SNX18: variants seen among roughly 807,000 people sequenced by gnomAD.
SNX18 encodes the protein sorting nexin-18.
A neutral mutation model predicts 48.7 loss-of-function variants in SNX18; 35 were observed. That is an observed-to-expected ratio of 0.72 (90% CI 0.55 to 0.95). The LOEUF is 0.95. Among genes scored for constraint, SNX18 ranks in the 40% least tolerant of loss-of-function variants. SNX18 has a pLI of 0.00. For missense variants in SNX18, 824 were observed against 871.0 expected, an observed-to-expected ratio of 0.95 and a Z score of 0.68; for synonymous variants, 492 against 384.7, an observed-to-expected ratio of 1.28 and a Z score of -3.26.
chr5:54,619,979 ATTTG>A, the SNX18 span, among the ~76,000 whole-genome samples: 12 of 152,166 alleles, frequency 7.9e-5, no homozygotes, highest in East Asian at 1.9e-4. Flanking sequence ...AATTACAGCT[ATTTG>A]TTTGGGAACA....
chr5:54,530,162 T>C (rs1409786295), intron 1 of SNX18, among the ~76,000 whole-genome samples: 1 of 152,148 alleles, frequency 6.6e-6, no homozygotes, highest in African/African-American at 2.4e-5. Context: ...CTCTGTGCCT[T>C]CTCTTAAGGA....
intron 1 of SNX18, among the ~76,000 whole-genome samples, chr5:54,533,524 G>GTA (rs1314367635): frequency 6.6e-6 from 1 of 152,212 alleles, no homozygotes; most frequent in Non-Finnish European, 1.5e-5. Flanking sequence ...CATGGGTAGG[G>GTA]TATCCCCCCT....
the SNX18 span, among the ~76,000 whole-genome samples, chr5:54,617,096 G>C: frequency 6.6e-6 from 1 of 152,148 alleles, no homozygotes; most frequent in East Asian, 1.9e-4. Flanking sequence ...AAACAACTTC[G>C]TCAAAGGCCC....
chr5:54,533,748 T>C (rs757643528), intron 1 of SNX18, among the ~76,000 whole-genome samples: 2 of 152,336 alleles, frequency 1.3e-5, no homozygotes, highest in African/African-American at 2.4e-5. Flanking sequence ...TCTGTGATGA[T>C]CAAGTGGCTG....
the SNX18 span, among the ~76,000 whole-genome samples, chr5:54,571,127 G>GT: frequency 4.3e-4 from 64 of 149,232 alleles, no homozygotes; most frequent in Admixed American, 1.7e-3. Context: ...GGCCTCCTGT[G>GT]TTTTTTTTTT....
chr5:54,573,523 T>TC, the SNX18 span, among the ~76,000 whole-genome samples: 1 of 152,142 alleles, frequency 6.6e-6, no homozygotes, highest in Non-Finnish European at 1.5e-5. Context: ...GCTTTGAGTA[T>TC]CCCCTGATGC....
chr5:54,534,800 T>C (rs1762322082), intron 1 of SNX18, among the ~76,000 whole-genome samples: 1 of 152,178 alleles, frequency 6.6e-6, no homozygotes, highest in Admixed American at 6.5e-5. Context: ...CAAGTACATC[T>C]GCTAGTGTGC....
At chr5:54,532,933 G>A (rs530273877) in intron 1 of SNX18, among the ~76,000 whole-genome samples, 1 of 152,162 alleles carries the variant, frequency 6.6e-6, no homozygotes, top group African/African-American at 2.4e-5. Flanking sequence ...TATTCAAACT[G>A]AATGTCATTC....
At chr5:54,561,504 A>T in the SNX18 span, among the ~76,000 whole-genome samples, 12 of 133,020 alleles carry the variant, frequency 9.0e-5, no homozygotes, top group African/African-American at 3.1e-4. Flanking sequence ...CGCCCAGCTA[A>T]TTTTTTTTTT....
the SNX18 span, among the ~76,000 whole-genome samples, chr5:54,583,153 T>A: frequency 7.6e-3 from 1,157 of 152,314 alleles, 12 homozygotes; most frequent in East Asian, 0.05. Context: ...GTATGTTTGT[T>A]TGTTTAAGAT....
rs780211987 is a variant in SNX18 at position 54,518,464 on chromosome 5, T to C, written c.512T>C (p.Leu171Pro). Residue 171 changes from leucine (L) to proline (P), a missense_variant, in exon 1 of 2, where the codon CTG becomes CCG. Leu to Pro is a moderately conservative substitution (Grantham distance 98). Around this residue, in one of 3 missense-constraint regions of SNX18, gnomAD observed 377 missense variants for 350.6 expected, o/e 1.08. Coordinates refer to ENST00000381410, the MANE Select transcript of SNX18 (RefSeq NM_001102575.2). ...SSTVADEPGA[L>P]GSGAYPDLDG... The stretch of plus-strand genomic sequence containing the variant: ...ACGGTGGCGGACGAGCCGGGCGCTC[T>C]GGGCAGCGGAGCATACCCGGACCTC... 1 of 1,571,292 alleles carries C rather than the reference T, an allele frequency of 6.4e-7. No homozygotes were observed. The highest frequency in any genetic ancestry group is 1.2e-5 in the South Asian group (1 of 86,742).
At chr5:54,600,317 G>A in the SNX18 span, among the ~76,000 whole-genome samples, 1 of 152,130 alleles carries the variant, frequency 6.6e-6, no homozygotes, top group Non-Finnish European at 1.5e-5. Context: ...TTATTAAAAA[G>A]TCAAGAAACA....
chr5:54,553,467 G>A, the SNX18 span, among the ~76,000 whole-genome samples: 6 of 152,154 alleles, frequency 3.9e-5, no homozygotes, highest in South Asian at 2.1e-4. Flanking sequence ...TATTCTGTGC[G>A]TCCACAGCAG....
intron 1 of SNX18, among the ~76,000 whole-genome samples, chr5:54,528,570 G>T (rs1160854315): frequency 6.6e-6 from 1 of 152,098 alleles, no homozygotes; most frequent in Non-Finnish European, 1.5e-5. Flanking sequence ...AATGCTTTAG[G>T]ATAGGTTTGA....
At chr5:54,553,877 A>G in the SNX18 span, among the ~76,000 whole-genome samples, 2 of 152,150 alleles carry the variant, frequency 1.3e-5, no homozygotes, top group South Asian at 4.1e-4. Context: ...CTCTCCATGC[A>G]CTCTGGGGAC....
the SNX18 span, among the ~76,000 whole-genome samples, chr5:54,629,814 G>T: frequency 6.6e-6 from 1 of 152,194 alleles, no homozygotes; most frequent in African/African-American, 2.4e-5. Context: ...AGAACTAAAA[G>T]AGTAGCTTAA....
At chr5:54,577,685 G>A in the SNX18 span, among the ~76,000 whole-genome samples, 1 of 152,190 alleles carries the variant, frequency 6.6e-6, no homozygotes, top group Non-Finnish European at 1.5e-5. Flanking sequence ...TGTAGGGAAG[G>A]GGTGGGGTCC....
In SNX18 at chr5:54,519,443, A is replaced by C. The variant is rs1761965881; in HGVS notation, c.1491A>C (p.Gly497=). 6.2e-7 allele frequency: 1 copy of C among 1,614,068 alleles called. No homozygotes were observed. The highest frequency in any genetic ancestry group is 8.5e-7 in the Non-Finnish European group (1 of 1,180,018). Residue 497 remains glycine (G), a synonymous_variant, in exon 1 of 2, where the codon GGA becomes GGC. Transcript: ENST00000381410. The part of the protein sequence containing the change: ...VGLNQAIAFT[G]DAYDAIGELF... ...TGAACCAGGCTATCGCCTTCACCGGAGATGCCTATGACGCCATTGGCGAGC... is the reference window on the plus strand; with the variant it reads ...TGAACCAGGCTATCGCCTTCACCGGCGATGCCTATGACGCCATTGGCGAGC...
At chr5:54,555,572 T>C in the SNX18 span, among the ~76,000 whole-genome samples, 37 of 152,220 alleles carry the variant, frequency 2.4e-4, no homozygotes, top group Middle Eastern at 6.8e-3. Flanking sequence ...TGGTGGTTCA[T>C]GCCTGTAATC....
Sources: allele counts gnomAD v4.1 joint callset (sites outside exome capture counted in the v4.1 genomes callset), GRCh38; gene constraint gnomAD v4.1.1; regional missense constraint gnomAD v4.1.1; transcripts MANE v1.5; gene names NCBI Gene and HGNC (gene_info 2026-07-23, HGNC 2026-07-21).